The following NTNG1 variants were observed in gnomAD, a reference collection of about 807,000 sequenced individuals.
NTNG1 encodes the protein netrin-G1.
NTNG1 carries 16 observed loss-of-function variants against 54.0 expected under a neutral mutation model. The ratio of observed to expected loss-of-function variants is 0.30; its 90% CI spans 0.20 to 0.45. The LOEUF is 0.45. Ranked by LOEUF, NTNG1 falls within the 20% of genes least tolerant of loss-of-function variation. NTNG1 has a pLI of 1.00. For missense variants in NTNG1, 530 were observed against 678.7 expected (o/e 0.78, Z 2.43); for synonymous variants, 255 against 263.1 (o/e 0.97, Z 0.30).
intron 7 of NTNG1, among the ~76,000 whole-genome samples, chr1:107,478,884 C>T (rs653383): frequency 0.9 from 136,412 of 152,296 alleles, 61,767 homozygotes; most frequent in East Asian, 1. Flanking sequence ...GGCTAACCAC[C>T]CTACATGTGG....
chr1:107,407,707 T>C lies in NTNG1; in HGVS notation c.1086T>C (p.Gly362=), dbSNP rs1418215637. 6.2e-7 allele frequency: 1 copy of C among 1,609,524 alleles called. No homozygotes were observed. The highest frequency in any genetic ancestry group is 1.3e-5 in the African/African-American group (1 of 74,664). Residue 362 remains glycine, a splice_region_variant and synonymous_variant, in exon 5 of 8, where the codon GGT becomes GGC. Coordinates refer to ENST00000370068, the MANE Select transcript of NTNG1 (RefSeq NM_001113226.3). ...GTATCCCCAGTATTTCCAGTATTGG[T>C]AGTAAGTAAAAACAAAAACAAAAAA... ...NTCIPSISSI[G]NCECFGHSNR... is the part of the protein sequence containing the mutation.
chr1:107,376,232 C>T (rs1671225245), intron 3 of NTNG1, among the ~76,000 whole-genome samples: 1 of 151,062 alleles, frequency 6.6e-6, no homozygotes. Context: ...CACAGTGAAA[C>T]CCCGTCTCTA....
chr1:107,162,907 C>T (rs1427536665), intron 2 of NTNG1, among the ~76,000 whole-genome samples: 1 of 152,120 alleles, frequency 6.6e-6, no homozygotes, highest in Admixed American at 6.5e-5. Flanking sequence ...ACTGGAATAA[C>T]TTGTCTCCTA....
chr1:107,301,866 T>A (rs1177561207), intron 2 of NTNG1, among the ~76,000 whole-genome samples: 2 of 152,214 alleles, frequency 1.3e-5, no homozygotes, highest in East Asian at 3.8e-4. Context: ...TACAGAATCC[T>A]GTTGTGAATC....
At chr1:107,364,651 A>G (rs1461602250) in intron 3 of NTNG1, among the ~76,000 whole-genome samples, 1 of 152,212 alleles carries the variant, frequency 6.6e-6, no homozygotes, top group African/African-American at 2.4e-5. Context: ...CACACATAAG[A>G]AAGCATCTCC....
intron 4 of NTNG1, among the ~76,000 whole-genome samples, chr1:107,407,177 A>C (rs1359778877): frequency 6.6e-6 from 1 of 152,186 alleles, no homozygotes; most frequent in South Asian, 2.1e-4. Context: ...ATATGAAATT[A>C]ATCAAATAAA....
chr1:107,292,016 TAAG>T (rs1557874321), intron 2 of NTNG1, among the ~76,000 whole-genome samples: 1 of 151,882 alleles, frequency 6.6e-6, no homozygotes, highest in African/African-American at 2.4e-5. Context: ...AGGGCTTAAA[TAAG>T]AAATTTACAA....
chr1:107,250,460 G>T (rs1024306757), intron 2 of NTNG1, among the ~76,000 whole-genome samples: 3 of 151,942 alleles, frequency 2.0e-5, no homozygotes, highest in African/African-American at 7.3e-5. Flanking sequence ...TGTGGTGTTT[G>T]GTTTTCTGTT....
At chr1:107,443,619 T>C (rs1443822249) in intron 7 of NTNG1, among the ~76,000 whole-genome samples, 1 of 152,154 alleles carries the variant, frequency 6.6e-6, no homozygotes, top group African/African-American at 2.4e-5. Context: ...TTTCACCAGT[T>C]GACCTCACAC....
At chr1:107,177,550 G>A (rs1345780463) in intron 2 of NTNG1, among the ~76,000 whole-genome samples, 1 of 152,034 alleles carries the variant, frequency 6.6e-6, no homozygotes, top group Non-Finnish European at 1.5e-5. Context: ...GGCCAGCCTG[G>A]TCTCAAACTC....
chr1:107,430,431 A>T (rs182399992), intron 5 of NTNG1, among the ~76,000 whole-genome samples: 1 of 152,272 alleles, frequency 6.6e-6, no homozygotes, highest in East Asian at 1.9e-4. Flanking sequence ...TAAAAATAAT[A>T]GACTTTTTCA....
At chr1:107,470,991 C>T (rs1367049752) in intron 7 of NTNG1, among the ~76,000 whole-genome samples, 1 of 152,174 alleles carries the variant, frequency 6.6e-6, no homozygotes, top group Non-Finnish European at 1.5e-5. Flanking sequence ...CACCTGTCAC[C>T]TCTTTCATGC....
rs542078296 is a variant in NTNG1, at chr1:107,367,274, G to A, written c.888-27880G>A. On this transcript the variant is annotated intron_variant, in intron 3 of 7. Transcript: ENST00000370068. ...CAGATCTTAATGTTTGCCTGAAATT[G>A]ATTTTTTTTTAAATACAAGACCCTG... Among the ~76,000 whole-genome samples the A allele has an allele frequency of 3.3e-5, 5 of 152,120 alleles. No homozygotes were observed. In the East Asian group the frequency reaches 9.6e-4, roughly 29 times the overall value.
chr1:107,184,950 C>T (rs527942654), intron 2 of NTNG1, among the ~76,000 whole-genome samples: 2 of 152,232 alleles, frequency 1.3e-5, no homozygotes, highest in African/African-American at 4.8e-5. Context: ...CAGCTGGGGA[C>T]AAGTTGACAT....
rs114363949 is a variant in NTNG1, at chr1:107,243,947, A to G, written c.247-80335A>G. Reference sequence around the variant, plus strand: ...CAGTGAAGTAAAGTGGCTACAGAAAATGTTAGGAGATTTTGTTTTATTTTG... The same window carrying G: ...CAGTGAAGTAAAGTGGCTACAGAAAGTGTTAGGAGATTTTGTTTTATTTTG... On this transcript the variant is annotated intron_variant, in intron 2 of 7. Transcript: ENST00000370068. Among the ~76,000 whole-genome samples the G allele has an allele frequency of 9.3e-3, 1,416 of 152,280 alleles. 17 individuals are homozygous for G. The highest frequency in any genetic ancestry group is 0.032 in the African/African-American group (1,315 of 41,556).
At chr1:107,424,869 A>G (rs1206368195) in intron 5 of NTNG1, among the ~76,000 whole-genome samples, 1 of 152,126 alleles carries the variant, frequency 6.6e-6, no homozygotes, top group Admixed American at 6.5e-5. Context: ...CTGCATATAG[A>G]CCATGGGGTT....
At chr1:107,303,697 G>A (rs1437870652) in intron 2 of NTNG1, among the ~76,000 whole-genome samples, 1 of 151,904 alleles carries the variant, frequency 6.6e-6, no homozygotes, top group Non-Finnish European at 1.5e-5. Context: ...TTTGTCCTGT[G>A]TTTGTTTTGA....
chr1:107,213,618 G>C (rs1045842304), intron 2 of NTNG1, among the ~76,000 whole-genome samples: 2 of 152,090 alleles, frequency 1.3e-5, no homozygotes, highest in African/African-American at 4.8e-5. Flanking sequence ...ATCAGGGCTA[G>C]CTGACATATT....
chr1:107,181,863 C>T (rs887029263), intron 2 of NTNG1, among the ~76,000 whole-genome samples: 6 of 151,960 alleles, frequency 3.9e-5, no homozygotes, highest in Non-Finnish European at 5.9e-5. Context: ...ATGCAGAACG[C>T]TCATTTGCAT....
Sources: allele counts gnomAD v4.1 joint callset (sites outside exome capture counted in the v4.1 genomes callset), GRCh38; gene constraint gnomAD v4.1.1; transcripts MANE v1.5; gene names NCBI Gene and HGNC (gene_info 2026-07-23, HGNC 2026-07-21).